The following MAD1L1 variants were observed in gnomAD, a reference collection of about 807,000 sequenced individuals.
MAD1L1 encodes the protein mitotic spindle assembly checkpoint protein MAD1.
In MAD1L1, 95 loss-of-function variants were observed where a neutral mutation model predicts 96.9. The ratio of observed to expected loss-of-function variants is 0.98; its 90% CI spans 0.83 to 1.16. The LOEUF is 1.16. Ranked by LOEUF, MAD1L1 falls within the 50% of genes most tolerant of loss-of-function variation. The probability of loss-of-function intolerance (pLI) is 0.00; values close to 1 mark genes in which losing one functional copy is unlikely to be tolerated. For missense variants in MAD1L1, 1,007 were observed against 954.4 expected (o/e 1.06, Z -0.73); for synonymous variants, 473 against 396.6 (o/e 1.19, Z -2.29).
chr7:1,936,870 C>G lies in MAD1L1; in HGVS notation c.1624G>C (p.Val542Leu), dbSNP rs1374864146. 3.7e-6 allele frequency: 6 copies of G among 1,604,666 alleles called. No individual in the cohort carries two copies. The South Asian group carries it at 4.5e-5, about 12-fold the overall frequency. ...QGDYDQSRTKVLHMSLNPTSV... is the reference protein window; with the variant it reads ...QGDYDQSRTKLLHMSLNPTSV... Reference sequence around the variant, plus strand: ...GTGGGGTTCAGGCTCATGTGCAGCACTTTGGTCCTGCTCTGGTCATAGTCA... The same window carrying G: ...GTGGGGTTCAGGCTCATGTGCAGCAGTTTGGTCCTGCTCTGGTCATAGTCA... Residue 542 changes from valine (V) to leucine (L), a missense_variant, in exon 17 of 19, where the codon GTG (valine) becomes CTG (leucine). Coordinates refer to ENST00000265854, the MANE Select transcript of MAD1L1 (RefSeq NM_001013836.2).
intron 16 of MAD1L1, among the ~76,000 whole-genome samples, chr7:1,946,517 G>A (rs1389628011): frequency 6.6e-6 from 1 of 152,260 alleles, no homozygotes; most frequent in Non-Finnish European, 1.5e-5. Context: ...AGACGCTGAC[G>A]AGAATCTCAA....
chr7:1,898,734 CCAGGAAGCCACAGGGT>C (rs987582420), intron 17 of MAD1L1, among the ~76,000 whole-genome samples: 15 of 152,270 alleles, frequency 9.9e-5, no homozygotes, highest in East Asian at 5.8e-4. Flanking sequence ...ACAGTCACTG[CCAGGAAGCCACAGGGT>C]CAGGAAGCCA....
chr7:1,936,923 C>T, intron 16 of MAD1L1, 26 bp from the exon 17 acceptor site: 1 of 1,543,468 alleles, frequency 6.5e-7, no homozygotes, highest in East Asian at 2.4e-5. Context: ...CAGCACAGGT[C>T]ACCATGGCCC....
chr7:2,151,684 A>G (rs1189895477), intron 10 of MAD1L1, among the ~76,000 whole-genome samples: 1 of 152,286 alleles, frequency 6.6e-6, no homozygotes, highest in African/African-American at 2.4e-5. Flanking sequence ...GGCTCTGCTA[A>G]CCATGTTCTG....
chr7:1,897,706 C>T (rs1012125857), intron 18 of MAD1L1, among the ~76,000 whole-genome samples: 1 of 152,246 alleles, frequency 6.6e-6, no homozygotes, highest in Non-Finnish European at 1.5e-5. Context: ...TCGCAGGACG[C>T]GAGTGTAGAG....
At chr7:1,916,564 T>A (rs565626624) in intron 17 of MAD1L1, among the ~76,000 whole-genome samples, 16 of 152,146 alleles carry the variant, frequency 1.1e-4, no homozygotes, top group Non-Finnish European at 2.2e-4. Context: ...CAGCAGACAG[T>A]GAGCCCTCAA....
At chr7:1,957,573 C>T (rs1404714098) in intron 16 of MAD1L1, 56 bp downstream of exon 16, 2 of 1,556,514 alleles carry the variant, frequency 1.3e-6, no homozygotes, top group African/African-American at 2.7e-5. Flanking sequence ...GTTCACGACG[C>T]CCAAAGAAAT....
At chr7:2,098,721 C>T (rs1480775855) in intron 11 of MAD1L1, among the ~76,000 whole-genome samples, 6 of 152,194 alleles carry the variant, frequency 3.9e-5, no homozygotes, top group Non-Finnish European at 7.3e-5. Flanking sequence ...CGCACTACCA[C>T]ACCCGATAGC....
intron 11 of MAD1L1, among the ~76,000 whole-genome samples, chr7:2,075,485 C>T (rs934321685): frequency 6.6e-6 from 1 of 152,156 alleles, no homozygotes; most frequent in Non-Finnish European, 1.5e-5. Context: ...AATTAAGCCT[C>T]TAGTTCCATG....
intron 10 of MAD1L1, among the ~76,000 whole-genome samples, chr7:2,180,536 G>C (rs1791153855): frequency 6.6e-6 from 1 of 152,208 alleles, no homozygotes. Context: ...TTTCAAATGT[G>C]AAATGTCTAG....
intron 12 of MAD1L1, among the ~76,000 whole-genome samples, chr7:2,044,624 C>T (rs1783839386): frequency 6.6e-6 from 1 of 152,118 alleles, no homozygotes; most frequent in Non-Finnish European, 1.5e-5. Context: ...CATGAAGTCC[C>T]CAGGCGATCG....
chr7:2,072,125 C>T (rs1785161575), intron 11 of MAD1L1, among the ~76,000 whole-genome samples: 2 of 152,168 alleles, frequency 1.3e-5, no homozygotes, highest in African/African-American at 4.8e-5. Flanking sequence ...CTGCGGCTCG[C>T]GACCAGCACC....
At chr7:2,210,425 ACCGCCAGCCCGCATTCCCGT>A (rs1562375069) in intron 10 of MAD1L1, among the ~76,000 whole-genome samples, 2 of 140,796 alleles carry the variant, frequency 1.4e-5, no homozygotes, top group Non-Finnish European at 1.6e-5. Flanking sequence ...CGTATTCGGG[ACCGCCAGCCCGCATTCCCGT>A]GGACTCTCTA....
chr7:2,081,258 C>T (rs928742018), intron 11 of MAD1L1, among the ~76,000 whole-genome samples: 1 of 152,220 alleles, frequency 6.6e-6, no homozygotes, highest in African/African-American at 2.4e-5. Flanking sequence ...GCAGAGGAGT[C>T]ACTTGGGGCC....
intron 16 of MAD1L1, among the ~76,000 whole-genome samples, chr7:1,939,347 G>A (rs1464463398): frequency 6.6e-6 from 1 of 150,788 alleles, no homozygotes; most frequent in Non-Finnish European, 1.5e-5. Context: ...ACAGGCCAGG[G>A]CTGGAGCCAG....
At chr7:1,954,072 GTCC>G (rs917377404) in intron 16 of MAD1L1, among the ~76,000 whole-genome samples, 1 of 152,186 alleles carries the variant, frequency 6.6e-6, no homozygotes, top group Non-Finnish European at 1.5e-5. Flanking sequence ...CTCACTGTGG[GTCC>G]TGCCCCAGCT....
At chr7:2,227,007 A>C (rs1793935999) in intron 3 of MAD1L1, among the ~76,000 whole-genome samples, 1 of 142,960 alleles carries the variant, frequency 7.0e-6, no homozygotes, top group Non-Finnish European at 1.5e-5. Flanking sequence ...AAACAAAAGA[A>C]TCTAGGCCAG....
chr7:1,967,629 C>T (rs993133460), intron 15 of MAD1L1, among the ~76,000 whole-genome samples: 2 of 152,188 alleles, frequency 1.3e-5, no homozygotes, highest in South Asian at 2.1e-4. Flanking sequence ...GAGAAGGCTC[C>T]GGGCTCCCTG....
chr7:2,118,787 A>G (rs149441923), intron 11 of MAD1L1, among the ~76,000 whole-genome samples: 3 of 152,292 alleles, frequency 2.0e-5, no homozygotes, highest in Non-Finnish European at 2.9e-5. Context: ...ACATCCCTCC[A>G]AAAGCCACGT....
Sources: allele counts gnomAD v4.1 joint callset (sites outside exome capture counted in the v4.1 genomes callset), GRCh38; gene constraint gnomAD v4.1.1; transcripts MANE v1.5; gene names NCBI Gene and HGNC (gene_info 2026-07-23, HGNC 2026-07-21).